CSMD2: variants seen among roughly 807,000 people sequenced by gnomAD.
CSMD2 encodes the protein CUB and sushi domain-containing protein 2.
Under a neutral mutation model 398.5 loss-of-function variants are expected in CSMD2, and 130 were observed. The observed-to-expected ratio is 0.33, with a 90% CI of 0.28 to 0.38. CSMD2 has a LOEUF of 0.38. Among genes scored for constraint, CSMD2 ranks in the 10% least tolerant of loss-of-function variants. CSMD2 has a pLI of 1.00. For missense variants in CSMD2, 3,829 were observed against 4,764.9 expected, an observed-to-expected ratio of 0.80 and a Z score of 5.78; for synonymous variants, 1,828 against 1,908.5, an observed-to-expected ratio of 0.96 and a Z score of 1.10.
chr1:34,126,255 C>T lies in CSMD2; in HGVS notation c.188-37062G>A, dbSNP rs368454483. 1.8e-3 allele frequency among the ~76,000 whole-genome samples: 277 copies of T among 152,348 alleles called. 1 individual carries two copies. Among genetic ancestry groups the T allele is most frequent in the African/African-American group, 6.3e-3 (260 of 41,572 alleles). On this transcript the variant is annotated intron_variant, in intron 1 of 70. Transcript: ENST00000373381. ...CCGGGGAGCTCAACCTAAGGCACTT[C>T]CGGCAGCTCCCAATCCATTCCCTAG...
intron 12 of CSMD2, among the ~76,000 whole-genome samples, chr1:33,777,926 G>A (rs1045345063): frequency 6.6e-6 from 1 of 152,138 alleles, no homozygotes; most frequent in African/African-American, 2.4e-5. Context: ...TAAATTCACT[G>A]AATATTTGAT....
intron 5 of CSMD2, among the ~76,000 whole-genome samples, chr1:33,906,764 G>C (rs984874010): frequency 4.6e-5 from 7 of 152,130 alleles, no homozygotes; most frequent in Non-Finnish European, 8.8e-5. Flanking sequence ...TGGCTCAGTG[G>C]GTAGGCTGGG....
intron 51 of CSMD2, among the ~76,000 whole-genome samples, chr1:33,570,494 T>C (rs369603301): frequency 2.0e-5 from 3 of 152,170 alleles, no homozygotes; most frequent in South Asian, 4.1e-4. Flanking sequence ...TTTCTCCTCC[T>C]TCCCAGTTTC....
intron 5 of CSMD2, chr1:33,864,889 A>T: frequency 1.8e-6 from 1 of 543,716 alleles, no homozygotes; most frequent in Non-Finnish European, 3.0e-6. Flanking sequence ...GATCCTGAGG[A>T]GGGGAACGGA....
intron 51 of CSMD2, among the ~76,000 whole-genome samples, chr1:33,570,099 T>C (rs527661020): frequency 1.3e-5 from 2 of 152,034 alleles, no homozygotes; most frequent in African/African-American, 2.4e-5. Context: ...CATATGTGGT[T>C]ACATCCCACT....
At chr1:34,053,115 T>A (rs746125647) in intron 2 of CSMD2, among the ~76,000 whole-genome samples, 10 of 152,172 alleles carry the variant, frequency 6.6e-5, no homozygotes, top group Non-Finnish European at 1.0e-4. Context: ...CATTTCTACC[T>A]CTCTCTACTG....
At chr1:33,581,228 AC>A (rs1244316975) in intron 47 of CSMD2, among the ~76,000 whole-genome samples, 3 of 151,742 alleles carry the variant, frequency 2.0e-5, no homozygotes, top group Non-Finnish European at 2.9e-5. Context: ...CCACTTGGCC[AC>A]CCTACTTCTC....
chr1:33,673,141 G>T (rs1644573459), intron 25 of CSMD2, among the ~76,000 whole-genome samples: 1 of 152,010 alleles, frequency 6.6e-6, no homozygotes, highest in African/African-American at 2.4e-5. Flanking sequence ...AGAGAAGAAG[G>T]CTTCAGAAGA....
intron 1 of CSMD2, among the ~76,000 whole-genome samples, chr1:34,125,458 C>CATGTGT (rs1313583307): frequency 2.6e-5 from 4 of 151,992 alleles, no homozygotes; most frequent in African/African-American, 9.7e-5. Flanking sequence ...AGGGCACACA[C>CATGTGT]AGGTAGGCCA....
chr1:34,038,878 C>T lies in CSMD2; in HGVS notation c.405-6172G>A, dbSNP rs561334202. On this transcript the variant is annotated intron_variant, in intron 2 of 70. Transcript: ENST00000373381. ...TAATGTCAGTGATTAAATACTCTTC[C>T]CCCGCTTTTCTCCCACTCCCTTCCT... Among the ~76,000 whole-genome samples, 10 of 152,282 alleles carry T rather than the reference C, an allele frequency of 6.6e-5. No homozygotes were observed. The South Asian group carries it at 2.1e-3, about 32-fold the overall frequency.
intron 25 of CSMD2, among the ~76,000 whole-genome samples, chr1:33,687,947 TGAA>T (rs998477589): frequency 3.3e-5 from 5 of 152,196 alleles, no homozygotes; most frequent in African/African-American, 1.2e-4. Flanking sequence ...ATCTAAGCGG[TGAA>T]GACTGAAAGT....
At chr1:33,531,815 A>G (rs991782970) in intron 64 of CSMD2, among the ~76,000 whole-genome samples, 1 of 152,182 alleles carries the variant, frequency 6.6e-6, no homozygotes, top group African/African-American at 2.4e-5. Context: ...GGCTAAGAGA[A>G]GGGGGAAATG....
chr1:34,126,828 G>A (rs1452175180), intron 1 of CSMD2, among the ~76,000 whole-genome samples: 1 of 151,792 alleles, frequency 6.6e-6, no homozygotes, highest in Non-Finnish European at 1.5e-5. Context: ...ACATAGATGG[G>A]GAGAGAGACG....
intron 3 of CSMD2, among the ~76,000 whole-genome samples, chr1:34,006,395 G>T (rs1347123187): frequency 6.6e-6 from 1 of 152,056 alleles, no homozygotes; most frequent in African/African-American, 2.4e-5. Context: ...TAGATCAACT[G>T]CTCCTATTCC....
At chr1:33,988,044 G>A (rs558222435) in intron 3 of CSMD2, among the ~76,000 whole-genome samples, 1 of 152,302 alleles carries the variant, frequency 6.6e-6, no homozygotes, top group Admixed American at 6.5e-5. Flanking sequence ...CATGTACCAA[G>A]TGCATTTAAG....
At chr1:33,685,016 C>T (rs2149077788) in intron 25 of CSMD2, among the ~76,000 whole-genome samples, 1 of 152,340 alleles carries the variant, frequency 6.6e-6, no homozygotes, top group African/African-American at 2.4e-5. Flanking sequence ...CCCTGCCAGG[C>T]ATGGCAAGTT....
intron 1 of CSMD2, among the ~76,000 whole-genome samples, chr1:34,102,655 A>ACCATATCCCTGTAATCCGG: frequency 1.3e-5 from 1 of 75,110 alleles, no homozygotes; most frequent in South Asian, 3.6e-4. Context: ...CTGTAATCCA[A>ACCATATCCCTGTAATCCGG]CCATATCCCT....
At chr1:33,957,795 A>T (rs1311869713) in intron 3 of CSMD2, among the ~76,000 whole-genome samples, 1 of 152,158 alleles carries the variant, frequency 6.6e-6, no homozygotes, top group East Asian at 1.9e-4. Context: ...CAGGACCTGA[A>T]AGGTTCCCAG....
Position 33,533,900 on chromosome 1 carries a change from C to T in CSMD2, c.9887G>A (p.Ser3296Asn). 4 of 1,610,960 alleles carry T rather than the reference C, an allele frequency of 2.5e-6. No homozygotes were observed. The South Asian group carries it at 3.3e-5, about 13-fold the overall frequency. ...TTTTTGACAACGGAAGAGGACTGTG[C>T]TTCCAACCTGCGGCAAGATACAAAG... is the stretch of plus-strand genomic sequence containing the variant. ...QNNSQGYQVG[S>N]TVLFRCQKGY... The change falls in exon 63 of 71, where the codon AGC becomes AAC. Residue 3296 changes from serine (S) to asparagine (N), a missense_variant. Physicochemically the swap from Ser to Asn is conservative, Grantham distance 46. Transcript: ENST00000373381. This position sits in a 1 kb window ranked among gnomAD's most constrained non-coding sequence, Gnocchi z 4.2.
Sources: gnomAD v4.1 joint callset for allele counts (sites outside exome capture counted in the v4.1 genomes callset) on GRCh38, gnomAD v4.1.1 for gene constraint, Gnocchi (gnomAD v3.1) non-coding constraint, MANE v1.5 for transcripts, NCBI Gene and HGNC (gene_info 2026-07-23, HGNC 2026-07-21) for gene names.